The following NPHP1 variants were observed in gnomAD, a reference collection of about 807,000 sequenced individuals.
NPHP1 encodes nephrocystin-1.
In NPHP1, 70 loss-of-function variants were observed where a neutral mutation model predicts 90.4. That is an observed-to-expected ratio of 0.77 (90% CI 0.64 to 0.95). The LOEUF (loss-of-function observed/expected upper bound fraction) is 0.95, where lower values mean the gene tolerates loss of function less well. Ranked by LOEUF, NPHP1 falls within the 40% of genes least tolerant of loss-of-function variation. The probability of loss-of-function intolerance (pLI) is 0.00; values close to 1 mark genes in which losing one functional copy is unlikely to be tolerated. For synonymous variants in NPHP1, 256 were observed against 271.7 expected (o/e 0.94, Z 0.57); for missense variants, 764 against 795.9 (o/e 0.96, Z 0.48).
At chr2:110,177,995 C>G (rs566506810) in intron 4 of NPHP1, 19 of 199,682 alleles carry the variant, frequency 9.5e-5, no homozygotes, top group Non-Finnish European at 1.8e-4. Context: ...CCTGCCTCAG[C>G]CTTCCAAAAT....
intron 2 of NPHP1, among the ~76,000 whole-genome samples, chr2:110,195,371 G>C (rs1685086082): frequency 6.6e-6 from 1 of 151,578 alleles, no homozygotes; most frequent in Non-Finnish European, 1.5e-5. Context: ...ATAACAGACA[G>C]AGAGCCAAAT....
Position 110,125,651 on chromosome 2 carries a change from T to G in NPHP1, c.1747A>C (p.Lys583Gln), listed in dbSNP as rs1188653340. The G allele has an allele frequency of 6.2e-7, 1 of 1,613,464 alleles. No individual in the cohort carries two copies. Among genetic ancestry groups the G allele is most frequent in the Non-Finnish European group, 8.5e-7 (1 of 1,179,516 alleles). ...SSWAGKESTL[K>Q]RSEKRDKEFL... ...TCATATTTTACCTTCTCTGATCTTT[T>G]TAATGTGCTTTCTTTTCCAGCCCAC... Residue 583 changes from lysine to glutamine, a missense_variant, in exon 19 of 20, where the codon AAA (lysine) becomes CAA (glutamine). Coordinates refer to ENST00000445609, the MANE Select transcript of NPHP1 (RefSeq NM_001128178.3).
intron 11 of NPHP1, 90 bp from the exon 12 acceptor site, chr2:110,150,346 C>G: frequency 8.6e-7 from 1 of 1,166,596 alleles, no homozygotes; most frequent in Non-Finnish European, 1.3e-6. Flanking sequence ...AGTGGCTACA[C>G]TAAGTGAGGA....
At chr2:110,158,871 G>A (rs1292461796) in intron 11 of NPHP1, among the ~76,000 whole-genome samples, 1 of 151,970 alleles carries the variant, frequency 6.6e-6, no homozygotes, top group Non-Finnish European at 1.5e-5. Context: ...AAAGTGTTCA[G>A]TATTTCACTG....
Position 110,127,854 on chromosome 2 carries a change from T to C in NPHP1, c.1716+1332A>G, listed in dbSNP as rs1311754678. On this transcript the variant is annotated intron_variant, in intron 18 of 19. Transcript: ENST00000445609. ...TTCCTGTTACACACCTAGGGAAATA[T>C]TCCTGTGGCCAGCACAGTGCCTTAT... The C allele has an allele frequency of 3.9e-5, 6 of 152,306 alleles. No individual in the cohort carries two copies. The East Asian group carries it at 9.6e-4, about 24-fold the overall frequency. The allele number at this position is 152,306 out of a possible 1,614,324, so 9.4% of individuals were successfully genotyped here. A position where few individuals can be genotyped will look rare whatever the true frequency, so the allele number is the denominator to read the frequency against.
At position 110,147,746 on chromosome 2, in the gene NPHP1, C is replaced by T. The variant is rs17842682; in HGVS notation, c.1269+170G>A. On this transcript the variant is annotated intron_variant, in intron 13 of 19. Coordinates refer to ENST00000445609, the MANE Select transcript of NPHP1 (RefSeq NM_001128178.3). ...ATAAGTACTATTATTTTAAATGCTA[C>T]GAAAACAAATCAGCACACATAAAAT... Among the ~76,000 whole-genome samples the T allele has an allele frequency of 0.01, 1,569 of 152,148 alleles. 26 individuals are homozygous for T. The highest frequency in any genetic ancestry group is 0.036 in the African/African-American group (1,508 of 41,496).
In NPHP1 at chr2:110,125,626, T is replaced by G; in HGVS notation, c.1761+11A>C. 6.2e-7 allele frequency: 1 copy of G among 1,608,414 alleles called. No individual in the cohort carries two copies. The highest frequency in any genetic ancestry group is 1.3e-5 in the African/African-American group (1 of 74,930). The stretch of plus-strand genomic sequence containing the variant: ...CAAATATGGAGTTCAGTGTGGAGAC[T>G]CATATTTTACCTTCTCTGATCTTTT... On this transcript the variant is annotated intron_variant, in intron 19 of 19. Coordinates refer to ENST00000445609, the MANE Select transcript of NPHP1 (RefSeq NM_001128178.3).
chr2:110,145,767 T>G (rs970327770), intron 14 of NPHP1, among the ~76,000 whole-genome samples: 1 of 152,186 alleles, frequency 6.6e-6, no homozygotes, highest in Non-Finnish European at 1.5e-5. Context: ...TACAATTCCT[T>G]ATTTCTTCCA....
intron 10 of NPHP1, among the ~76,000 whole-genome samples, chr2:110,161,009 T>C (rs957666410): frequency 1.3e-5 from 2 of 152,006 alleles, no homozygotes; most frequent in South Asian, 4.2e-4. Flanking sequence ...TTACAAAAAA[T>C]ACAAAAATTA....
intron 11 of NPHP1, among the ~76,000 whole-genome samples, chr2:110,157,290 G>C (rs978755780): frequency 6.6e-6 from 1 of 151,932 alleles, no homozygotes; most frequent in Non-Finnish European, 1.5e-5. Flanking sequence ...AACACAGAGA[G>C]GTACAGGAAA....
At chr2:110,127,440 A>G (rs1559042204) in intron 18 of NPHP1, 1 of 152,100 alleles carries the variant, frequency 6.6e-6, no homozygotes, top group Non-Finnish European at 1.5e-5. Context: ...TCATAACACA[A>G]ATAATTCAAT....
intron 15 of NPHP1, 150 bp downstream of exon 15, chr2:110,144,343 A>G: frequency 1.6e-6 from 1 of 635,414 alleles, no homozygotes; most frequent in Non-Finnish European, 2.8e-6. Context: ...TAAGTACTTA[A>G]AAATGATTAA....
chr2:110,136,954 C>G (rs1365556952), intron 16 of NPHP1, among the ~76,000 whole-genome samples: 1 of 152,082 alleles, frequency 6.6e-6, no homozygotes, highest in African/African-American at 2.4e-5. Flanking sequence ...CAAAACAGCA[C>G]AGTACTGGTA....
intron 19 of NPHP1, chr2:110,125,387 C>A (rs1679278871): frequency 1.4e-6 from 2 of 1,437,274 alleles, no homozygotes; most frequent in Admixed American, 4.9e-5. Context: ...GGCTTAGAAA[C>A]TTCCCCTTTA....
chr2:110,139,540 T>G (rs1040550284), intron 16 of NPHP1, among the ~76,000 whole-genome samples: 3 of 152,222 alleles, frequency 2.0e-5, no homozygotes, highest in African/African-American at 7.2e-5. Flanking sequence ...ATTCACATTT[T>G]CACAGGATTC....
intron 2 of NPHP1, among the ~76,000 whole-genome samples, chr2:110,185,856 C>G (rs2104644591): frequency 6.6e-6 from 1 of 152,316 alleles, no homozygotes; most frequent in South Asian, 2.1e-4. Context: ...TGAATGGCTG[C>G]AGAGATAATG....
chr2:110,190,351 G>A (rs187992096), intron 2 of NPHP1, among the ~76,000 whole-genome samples: 59 of 152,312 alleles, frequency 3.9e-4, no homozygotes, highest in Admixed American at 3.3e-3. Flanking sequence ...CAGGCATGGC[G>A]GGCTGAAGGT....
At chr2:110,144,685 G>T in intron 14 of NPHP1, 116 bp from the exon 15 acceptor site, 1 of 706,228 alleles carries the variant, frequency 1.4e-6, no homozygotes, top group Admixed American at 2.0e-5. Context: ...TTTATGCCTC[G>T]TTGGTAAATG....
chr2:110,189,690 G>C (rs1684557619), intron 2 of NPHP1, among the ~76,000 whole-genome samples: 1 of 152,076 alleles, frequency 6.6e-6, no homozygotes, highest in Admixed American at 6.6e-5. Context: ...ATTTTACAGA[G>C]AGCCGAGTAG....
Sources: allele counts gnomAD v4.1 joint callset (sites outside exome capture counted in the v4.1 genomes callset), GRCh38; gene constraint gnomAD v4.1.1; transcripts MANE v1.5; gene names NCBI Gene and HGNC (gene_info 2026-07-23, HGNC 2026-07-21).